The following RIOK3 variants were observed in gnomAD, a reference collection of about 807,000 sequenced individuals.
The protein encoded by RIOK3 is RIO kinase 3.
A neutral mutation model predicts 63.5 loss-of-function variants in RIOK3; 40 were observed. The observed-to-expected ratio is 0.63, with a 90% CI of 0.49 to 0.82. The LOEUF is 0.82. Ranked by LOEUF, RIOK3 falls within the 40% of genes least tolerant of loss-of-function variation. The pLI is 0.00. For synonymous variants in RIOK3, 193 were observed against 205.0 expected (o/e 0.94, Z 0.50); for missense variants, 557 against 637.0 (o/e 0.87, Z 1.35).
At chr18:23,458,300 G>A (rs1211249600) in intron 1 of RIOK3, among the ~76,000 whole-genome samples, 1 of 152,116 alleles carries the variant, frequency 6.6e-6, no homozygotes, top group African/African-American at 2.4e-5. Flanking sequence ...TCTTTAGGAA[G>A]TGGAAGGAAA....
At chr18:23,479,276 T>A (rs1432306448) in intron 11 of RIOK3, 41 bp from the exon 12 acceptor site, 5 of 1,285,230 alleles carry the variant, frequency 3.9e-6, no homozygotes, top group Admixed American at 1.7e-5. Flanking sequence ...AAGAGAACAT[T>A]GCTAATACTT....
In RIOK3 at chr18:23,483,049, A is replaced by T. The variant is rs1442658520; in HGVS notation, c.*1770A>T. 6.6e-6 allele frequency: 1 copy of T among 152,230 alleles called. No individual in the cohort carries two copies. Among genetic ancestry groups the T allele is most frequent in the African/African-American group, 2.4e-5 (1 of 41,450 alleles). The allele number at this position is 152,230 out of a possible 1,614,324, so 9.4% of individuals were successfully genotyped here. ...TTGTTTTGTTTTCTGACATATTCTG[A>T]CAAAGAGCAGCAAACCACTGCTGTG... On this transcript the variant is annotated 3_prime_UTR_variant, in exon 13 of 13. Transcript: ENST00000339486.
At chr18:23,476,918 A>C (rs1264931802) in intron 9 of RIOK3, 88 bp from the exon 10 acceptor site, 1 of 1,122,710 alleles carries the variant, frequency 8.9e-7, no homozygotes, top group Non-Finnish European at 1.3e-6. Context: ...TCTCCAAAAA[A>C]ATAAAAAATA....
At position 23,463,072 on chromosome 18, in the gene RIOK3, G is replaced by A; in HGVS notation, c.172G>A (p.Glu58Lys). 2 of 1,602,808 alleles carry A rather than the reference G, an allele frequency of 1.2e-6. No homozygotes were observed. The highest frequency in any genetic ancestry group is 1.7e-6 in the Non-Finnish European group (2 of 1,173,554). Residue 58 changes from glutamate (E) to lysine (K), a missense_variant, in exon 2 of 13, where the codon GAA becomes AAA. Around this residue, in one of 3 missense-constraint regions of RIOK3, gnomAD observed 243 missense variants for 275.4 expected, o/e 0.88. Transcript: ENST00000339486. ...QLEEEAAVFP[E>K]VAVAEGPFIT... The stretch of plus-strand genomic sequence containing the variant: ...AGAAGAAGAAGCTGCCGTTTTTCCT[G>A]AAGTTGCGTAAGTAAAATTCACAAA...
At chr18:23,464,444 T>C in intron 4 of RIOK3, 75 bp from the exon 5 acceptor site, 1 of 1,207,256 alleles carries the variant, frequency 8.3e-7, no homozygotes, top group Non-Finnish European at 1.2e-6. Flanking sequence ...TTCAAATGTC[T>C]TTTCAGACAA....
intron 6 of RIOK3, among the ~76,000 whole-genome samples, chr18:23,466,576 G>C (rs1390258784): frequency 6.6e-6 from 1 of 151,370 alleles, no homozygotes; most frequent in Non-Finnish European, 1.5e-5. Context: ...TGTGGTCCCA[G>C]CTACCCGGGG....
At chr18:23,467,629 A>AGTAATTTTTAAAGTGTTATT in intron 7 of RIOK3, 103 bp downstream of exon 7, 1 of 1,156,240 alleles carries the variant, frequency 8.6e-7, no homozygotes, top group East Asian at 2.5e-5. Flanking sequence ...TGGCAAGCAG[A>AGTAATTTTTAAAGTGTTATT]GTAATTTTTA....
rs542259930 is a variant in RIOK3 at position 23,453,379 on chromosome 18, G to C, written c.-61G>C. 28 of 1,372,554 alleles carry C rather than the reference G, an allele frequency of 2.0e-5. No individual in the cohort carries two copies. Among genetic ancestry groups the C allele is most frequent in the Non-Finnish European group, 2.8e-5 (27 of 962,524 alleles). 85.0% of individuals were successfully genotyped at this position (1,372,554 alleles called of 1,614,324 possible). On this transcript the variant is annotated 5_prime_UTR_variant, in exon 1 of 13. Coordinates refer to ENST00000339486, the MANE Select transcript of RIOK3 (RefSeq NM_003831.5). ...CCCGTGTCCCGCCTGTCTCCTCGGC[G>C]GAGCCTGCTGCCCGTCCTGCCACCT...
At chr18:23,477,349 G>A (rs1351574235) in intron 11 of RIOK3, 81 bp downstream of exon 11, 2 of 1,052,590 alleles carry the variant, frequency 1.9e-6, no homozygotes, top group Non-Finnish European at 3.0e-6. Context: ...ATAAGTAAGA[G>A]GACCATATTC....
At chr18:23,462,839 G>C in intron 1 of RIOK3, 125 bp from the exon 2 acceptor site, 2 of 462,846 alleles carry the variant, frequency 4.3e-6, no homozygotes. Flanking sequence ...TCTGCAAATA[G>C]CTAGTTATTC....
At chr18:23,459,327 C>CCAAT in intron 1 of RIOK3, among the ~76,000 whole-genome samples, 1 of 152,178 alleles carries the variant, frequency 6.6e-6, no homozygotes, top group Non-Finnish European at 1.5e-5. Flanking sequence ...ACCTCTGCAG[C>CCAAT]CAATCACTCC....
chr18:23,470,147 G>A (rs1425170864), intron 7 of RIOK3, among the ~76,000 whole-genome samples: 2 of 152,088 alleles, frequency 1.3e-5, no homozygotes, highest in Non-Finnish European at 2.9e-5. Flanking sequence ...GGCGGATCAC[G>A]AGGTCAGGAG....
rs749119170 is a variant in RIOK3, at chr18:23,481,209, A to C, written c.1490A>C (p.Gln497Pro). 46 of 1,612,690 alleles carry C rather than the reference A, an allele frequency of 2.9e-5. No homozygotes were observed. The Middle Eastern group carries it at 5.0e-4, about 17-fold the overall frequency. Residue 497 changes from glutamine (Q) to proline (P), a missense_variant, in exon 13 of 13, where the codon CAG becomes CCG. By Grantham distance (76) the Gln-to-Pro change is moderately conservative (BLOSUM62 -1). This residue lies in a region of RIOK3 where 309 missense variants were observed against 338.7 expected (regional missense o/e 0.91). Transcript: ENST00000339486. ...GAGAAAATGAATGAAGATCACGTTCAGAAGAATGGAAGGAAAGCTGCTTCA... is the reference window on the plus strand; with the variant it reads ...GAGAAAATGAATGAAGATCACGTTCCGAAGAATGGAAGGAAAGCTGCTTCA... ...ALEKMNEDHV[Q>P]KNGRKAASFL...
At chr18:23,456,255 C>G (rs1002965384) in intron 1 of RIOK3, 3 of 152,208 alleles carry the variant, frequency 2.0e-5, no homozygotes, top group Non-Finnish European at 4.4e-5. Flanking sequence ...CTTCTTTATA[C>G]TCTCAAAAAT....
rs2057315794 is a variant in RIOK3, at chr18:23,453,372, C to A, written c.-68C>A. ...CCAGTCGCCCGTGTCCCGCCTGTCTCCTCGGCGGAGCCTGCTGCCCGTCCT... is the reference window on the plus strand; with the variant it reads ...CCAGTCGCCCGTGTCCCGCCTGTCTACTCGGCGGAGCCTGCTGCCCGTCCT... On this transcript the variant is annotated 5_prime_UTR_variant, in exon 1 of 13. Transcript: ENST00000339486. The A allele has an allele frequency of 7.6e-7, 1 of 1,318,990 alleles. No homozygotes were observed. The highest frequency in any genetic ancestry group is 2.3e-5 in the East Asian group (1 of 43,310). 81.7% of individuals were successfully genotyped at this position (1,318,990 alleles called of 1,614,324 possible).
intron 11 of RIOK3, among the ~76,000 whole-genome samples, chr18:23,477,762 G>A (rs1408885220): frequency 6.7e-5 from 8 of 119,908 alleles, no homozygotes; most frequent in Non-Finnish European, 1.0e-4. Context: ...GTGAGGCTCC[G>A]TCTCAAAAAA....
At chr18:23,469,333 C>CTT in intron 7 of RIOK3, among the ~76,000 whole-genome samples, 1 of 11,804 alleles carries the variant, frequency 8.5e-5, no homozygotes. Flanking sequence ...CTCTCTCTCT[C>CTT]TCTCCCCCTC....
chr18:23,480,698 TA>T (rs1042702155), intron 12 of RIOK3, among the ~76,000 whole-genome samples: 2 of 152,078 alleles, frequency 1.3e-5, no homozygotes, highest in African/African-American at 4.8e-5. Context: ...TTATATCTGT[TA>T]TCCCAACACT....
intron 11 of RIOK3, among the ~76,000 whole-genome samples, chr18:23,478,741 A>G (rs2057511508): frequency 6.6e-6 from 1 of 151,570 alleles, no homozygotes. Flanking sequence ...AGATTCAGAT[A>G]GCAATGATCT....
Sources: allele counts gnomAD v4.1 joint callset (sites outside exome capture counted in the v4.1 genomes callset), GRCh38; gene constraint gnomAD v4.1.1; regional missense constraint gnomAD v4.1.1; transcripts MANE v1.5; gene names NCBI Gene and HGNC (gene_info 2026-07-23, HGNC 2026-07-21).